The following MCHR2 variants were observed in gnomAD, a reference collection of about 807,000 sequenced individuals.
MCHR2 encodes melanin-concentrating hormone receptor 2.
Under a neutral mutation model 24.8 loss-of-function variants are expected in MCHR2, and 15 were observed. The ratio of observed to expected loss-of-function variants is 0.60; its 90% CI spans 0.40 to 0.93. The LOEUF is 0.93. Among genes scored for constraint, MCHR2 ranks in the 40% least tolerant of loss-of-function variants. The pLI is 0.00. For missense variants in MCHR2, 386 were observed against 408.7 expected (o/e 0.94, Z 0.48); for synonymous variants, 151 against 147.6 (o/e 1.02, Z -0.17).
Position 99,943,020 on chromosome 6 carries a change from C to A in MCHR2, c.516G>T (p.Ser172=), listed in dbSNP as rs140465249. The A allele has an allele frequency of 8.4e-5, 135 of 1,612,940 alleles. No individual in the cohort carries two copies. The African/African-American group carries it at 1.6e-3, about 19-fold the overall frequency. The change falls in exon 4 of 6, where the codon TCG becomes TCT. Residue 172 remains serine (S), a synonymous_variant. Transcript: ENST00000281806. ...CACCGTCTTTAAATTTGATGACCTT[C>A]GAGTAGACCCAGACAGGCAATGCCA... The part of the protein sequence containing the change: ...FILALPVWVY[S]KVIKFKDGVE...
intron 2 of MCHR2, among the ~76,000 whole-genome samples, chr6:99,948,363 G>A (rs987037716): frequency 9.2e-5 from 14 of 152,060 alleles, no homozygotes; most frequent in Non-Finnish European, 1.9e-4. Context: ...TTTCCCTGGT[G>A]GTAGCCGGCT....
rs534210579 is a variant in MCHR2 at position 99,930,376 on chromosome 6, A to G, written c.707+4022T>C. Among the ~76,000 whole-genome samples, 87 of 152,154 alleles carry G rather than the reference A, an allele frequency of 5.7e-4. 1 individual carries two copies. The South Asian group carries it at 0.018, about 31-fold the overall frequency. ...CGTTCTCTGTATTTCCTGAATCTGA[A>G]TGTTGGCCTCCCTCGCTAGATTGGG... On this transcript the variant is annotated intron_variant, in intron 5 of 5. Coordinates refer to ENST00000281806, the MANE Select transcript of MCHR2 (RefSeq NM_001040179.2).
intron 2 of MCHR2, among the ~76,000 whole-genome samples, chr6:99,954,773 G>A (rs150210052): frequency 2.0e-3 from 306 of 152,282 alleles, no homozygotes; most frequent in Middle Eastern, 6.8e-3. Flanking sequence ...AACCACAGAT[G>A]TCCACATGGG....
intron 2 of MCHR2, among the ~76,000 whole-genome samples, chr6:99,951,045 G>A (rs1205904594): frequency 6.6e-6 from 1 of 152,098 alleles, no homozygotes; most frequent in Non-Finnish European, 1.5e-5. Context: ...CAAGATACCA[G>A]TGGGGCTCCA....
At chr6:99,935,891 T>C (rs1440658952) in intron 4 of MCHR2, among the ~76,000 whole-genome samples, 1 of 152,064 alleles carries the variant, frequency 6.6e-6, no homozygotes, top group Non-Finnish European at 1.5e-5. Context: ...AAAGCTACTT[T>C]AATTGGGGTG....
intron 1 of MCHR2, 130 bp downstream of exon 1, chr6:99,993,806 C>T (rs1445156425): frequency 6.6e-6 from 1 of 152,240 alleles, no homozygotes; most frequent in East Asian, 1.9e-4. Flanking sequence ...CAGACACTAC[C>T]GGCGAGCCAG....
At position 99,959,853 on chromosome 6, in the gene MCHR2, A is replaced by ATAT. The variant is rs1554195241; in HGVS notation, c.-27-3680_-27-3679insATA. 2.7e-5 allele frequency among the ~76,000 whole-genome samples: 4 copies of ATAT among 150,176 alleles called. No homozygotes were observed. The East Asian group carries it at 7.9e-4, about 30-fold the overall frequency. On this transcript the variant is annotated intron_variant, in intron 1 of 5. Transcript: ENST00000281806. ...AATAATGATAATAATAATAATAATA[A>ATAT]TAGGTAAAAAAAGCCTTAAAGACTA... is the stretch of plus-strand genomic sequence containing the variant.
chr6:99,933,481 T>G (rs1044824128), intron 5 of MCHR2, among the ~76,000 whole-genome samples: 5 of 152,154 alleles, frequency 3.3e-5, no homozygotes, highest in Non-Finnish European at 7.4e-5. Context: ...TTCCTTTTTC[T>G]TCCCAAATGG....
At chr6:99,947,635 C>A (rs1367672541) in intron 3 of MCHR2, 127 bp downstream of exon 3, 2 of 842,784 alleles carry the variant, frequency 2.4e-6, no homozygotes, top group East Asian at 2.7e-5. Context: ...GTAATCAGTT[C>A]TACAGTGAAA....
chr6:99,926,695 C>A (rs1774367265), intron 5 of MCHR2, among the ~76,000 whole-genome samples: 1 of 152,022 alleles, frequency 6.6e-6, no homozygotes, highest in African/African-American at 2.4e-5. Context: ...TTGTTTTTTT[C>A]TTGTAAATCT....
intron 1 of MCHR2, among the ~76,000 whole-genome samples, chr6:99,991,554 TC>T (rs1290095189): frequency 6.6e-6 from 1 of 152,044 alleles, no homozygotes; most frequent in African/African-American, 2.4e-5. Context: ...CGCCTGTTAA[TC>T]CCAGCACTTT....
At chr6:99,930,131 G>A (rs1774480007) in intron 5 of MCHR2, among the ~76,000 whole-genome samples, 1 of 151,774 alleles carries the variant, frequency 6.6e-6, no homozygotes, top group Non-Finnish European at 1.5e-5. Context: ...ATTCTGGGTT[G>A]AAAATTCTTT....
intron 1 of MCHR2, among the ~76,000 whole-genome samples, chr6:99,973,262 A>G (rs1582404234): frequency 6.6e-6 from 1 of 151,610 alleles, no homozygotes; most frequent in African/African-American, 2.4e-5. Flanking sequence ...TTGGGTGCAT[A>G]TTTATTTATG....
chr6:99,955,153 G>A (rs552408003), intron 2 of MCHR2, among the ~76,000 whole-genome samples: 1 of 152,218 alleles, frequency 6.6e-6, no homozygotes, highest in South Asian at 2.1e-4. Flanking sequence ...ACATCCTATA[G>A]TTATTAAAAC....
Position 99,934,406 on chromosome 6 carries a change from A to T in MCHR2, c.699T>A (p.Asp233Glu). ...ACAAGGCAAACACTTACCATCTGGC[A>T]TCCTTATTCTGTTGATACATCTCCC... ...YTWEMYQQNK[D>E]ARCCNPSVPK... is the part of the protein sequence containing the mutation. The change falls in exon 5 of 6, where the codon GAT becomes GAA. Residue 233 changes from aspartate (D) to glutamate (E), a missense_variant. Transcript: ENST00000281806. 2 of 1,580,598 alleles carry T rather than the reference A, an allele frequency of 1.3e-6. No individual in the cohort carries two copies. The highest frequency in any genetic ancestry group is 1.7e-6 in the Non-Finnish European group (2 of 1,168,590).
At chr6:99,947,173 C>T (rs1197586336) in intron 3 of MCHR2, among the ~76,000 whole-genome samples, 1 of 152,128 alleles carries the variant, frequency 6.6e-6, no homozygotes, top group African/African-American at 2.4e-5. Flanking sequence ...TATAAAATAA[C>T]AGCATTTGTA....
Position 99,927,692 on chromosome 6 carries a change from C to A in MCHR2, c.708-6437G>T, listed in dbSNP as rs994476309. 4.2e-4 allele frequency among the ~76,000 whole-genome samples: 64 copies of A among 151,952 alleles called. No homozygotes were observed. The East Asian group carries it at 6.6e-3, about 16-fold the overall frequency. On this transcript the variant is annotated intron_variant, in intron 5 of 5. Coordinates refer to ENST00000281806, the MANE Select transcript of MCHR2 (RefSeq NM_001040179.2). ...GATTTTTGTACGTTGATTTTGTATC[C>A]TGAGATTTTGCTGAAGTTGCTTATC... is the stretch of plus-strand genomic sequence containing the variant.
In MCHR2 at chr6:99,971,312, C is replaced by G. The variant is rs62434075; in HGVS notation, c.-27-15138G>C. ...GTTGGATTCCTAGGTATTTTATTCTCTTTGAAGCAATTGTGAATGGGAGTT... is the reference window on the plus strand; with the variant it reads ...GTTGGATTCCTAGGTATTTTATTCTGTTTGAAGCAATTGTGAATGGGAGTT... On this transcript the variant is annotated intron_variant, in intron 1 of 5. Transcript: ENST00000281806. Among the ~76,000 whole-genome samples the G allele has an allele frequency of 6.7e-5, 10 of 150,134 alleles. No homozygotes were observed. In the East Asian group the frequency reaches 9.8e-4, roughly 15 times the overall value.
intron 2 of MCHR2, among the ~76,000 whole-genome samples, chr6:99,949,627 T>C (rs1440167635): frequency 3.6e-4 from 55 of 152,112 alleles, no homozygotes; most frequent in Non-Finnish European, 1.5e-4. Flanking sequence ...CAGCATCCAC[T>C]GTGTGGGGAA....
Sources: allele counts gnomAD v4.1 joint callset (sites outside exome capture counted in the v4.1 genomes callset), GRCh38; gene constraint gnomAD v4.1.1; transcripts MANE v1.5; gene names NCBI Gene and HGNC (gene_info 2026-07-23, HGNC 2026-07-21).